The following SH2D3C variants were observed in gnomAD, a reference collection of about 807,000 sequenced individuals.
SH2D3C encodes SH2 domain-containing protein 3C.
SH2D3C carries 25 observed loss-of-function variants against 75.2 expected under a neutral mutation model. The ratio of observed to expected loss-of-function variants is 0.33; its 90% CI spans 0.24 to 0.46. The LOEUF (loss-of-function observed/expected upper bound fraction) is 0.46, where lower values mean the gene tolerates loss of function less well. SH2D3C is among the 20% of genes least tolerant of loss of function. The probability of loss-of-function intolerance (pLI) is 1.00; values close to 1 mark genes in which losing one functional copy is unlikely to be tolerated. For synonymous variants in SH2D3C, 450 were observed against 473.7 expected (o/e 0.95, Z 0.65); for missense variants, 933 against 1,165.3 (o/e 0.80, Z 2.90).
chr9:127,761,865 C>T (rs1389560460), intron 2 of SH2D3C, among the ~76,000 whole-genome samples: 2 of 152,190 alleles, frequency 1.3e-5, no homozygotes, highest in Admixed American at 6.5e-5. Context: ...GCCTGCATTT[C>T]GTATCTGTAA....
At chr9:127,767,475 T>A (rs765126649) in intron 2 of SH2D3C, 61 of 203,294 alleles carry the variant, frequency 3.0e-4, no homozygotes, top group Non-Finnish European at 2.3e-4. Flanking sequence ...CCCCAGACAT[T>A]GGGAGCCACT....
chr9:127,763,198 G>C (rs77344909), intron 2 of SH2D3C, among the ~76,000 whole-genome samples: 4 of 152,192 alleles, frequency 2.6e-5, no homozygotes, highest in Admixed American at 6.5e-5. Context: ...CCTCTTCGGA[G>C]AAGCCTTCCC....
chr9:127,745,534 GCT>G (rs2131743957), intron 6 of SH2D3C, among the ~76,000 whole-genome samples: 1 of 145,636 alleles, frequency 6.9e-6, no homozygotes, highest in South Asian at 2.2e-4. Flanking sequence ...TGCCATCTAG[GCT>G]CACTGCAACC....
At position 127,751,319 on chromosome 9, in the gene SH2D3C, G is replaced by A; in HGVS notation, c.556-19C>T. The A allele has an allele frequency of 6.2e-7, 1 of 1,612,394 alleles. No homozygotes were observed. Among genetic ancestry groups the A allele is most frequent in the Non-Finnish European group, 8.5e-7 (1 of 1,179,004 alleles). On this transcript the variant is annotated intron_variant, in intron 3 of 11. Coordinates refer to ENST00000314830, the MANE Select transcript of SH2D3C (RefSeq NM_170600.3). This position sits in a 1 kb window ranked among gnomAD's most constrained non-coding sequence, Gnocchi z 4.1. The stretch of plus-strand genomic sequence containing the variant: ...TGGAGAACTGGGTAGAAAACAGCAA[G>A]AGTTGGCATCCAACTTAAAGTCTCC...
intron 2 of SH2D3C, among the ~76,000 whole-genome samples, chr9:127,764,747 G>A (rs952554634): frequency 2.0e-5 from 3 of 152,046 alleles, no homozygotes; most frequent in African/African-American, 4.8e-5. Flanking sequence ...TCGCTCCATC[G>A]CCCAGGCTGG....
intron 3 of SH2D3C, among the ~76,000 whole-genome samples, chr9:127,756,126 C>G (rs1465204405): frequency 6.6e-6 from 1 of 152,092 alleles, no homozygotes; most frequent in Non-Finnish European, 1.5e-5. Context: ...ATGGTGAAAC[C>G]CTGTCTCTAC....
chr9:127,740,451 G>A (rs1420278435), intron 9 of SH2D3C, 82 bp from the exon 10 acceptor site: 24 of 894,592 alleles, frequency 2.7e-5, no homozygotes, highest in Non-Finnish European at 4.0e-5. Flanking sequence ...TGGACACCCA[G>A]ATGTGGGATC....
Position 127,742,912 on chromosome 9 carries a change from C to A in SH2D3C, c.1853G>T (p.Arg618Leu), listed in dbSNP as rs1215863553. ...TKEMQTLMGV[R>L]WGMELLTLPH... ...GAGGGTGAGCAGTTCCATGCCCCAGCGGACTCCCATTAGGGTCTGCATCTC... is the reference window on the plus strand; with the variant it reads ...GAGGGTGAGCAGTTCCATGCCCCAGAGGACTCCCATTAGGGTCTGCATCTC... Residue 618 changes from arginine to leucine, a missense_variant, in exon 8 of 12, where the codon CGC becomes CTC. Physicochemically the swap from Arg to Leu is moderately radical, Grantham distance 102. Coordinates refer to ENST00000314830, the MANE Select transcript of SH2D3C (RefSeq NM_170600.3). The A allele has an allele frequency of 6.2e-7, 1 of 1,613,950 alleles. No homozygotes were observed. The highest frequency in any genetic ancestry group is 2.2e-5 in the East Asian group (1 of 44,870).
At position 127,778,584 on chromosome 9, in the gene SH2D3C, C is replaced by A; in HGVS notation, c.37+7G>T. 1.2e-6 allele frequency: 2 copies of A among 1,611,330 alleles called. No individual in the cohort carries two copies. The highest frequency in any genetic ancestry group is 1.7e-6 in the Non-Finnish European group (2 of 1,177,440). On this transcript the variant is annotated splice_region_variant and intron_variant, in intron 1 of 11. Transcript: ENST00000314830. Reference sequence around the variant, plus strand: ...GGAGGACAGTGCAGACGGCACCCCACACTCACTGAACTTTTTGCTGGTCTT... The same window carrying A: ...GGAGGACAGTGCAGACGGCACCCCAAACTCACTGAACTTTTTGCTGGTCTT...
intron 2 of SH2D3C, among the ~76,000 whole-genome samples, chr9:127,768,686 C>T (rs1166175482): frequency 1.3e-5 from 2 of 152,200 alleles, no homozygotes; most frequent in African/African-American, 2.4e-5. Flanking sequence ...CAATGGCTCC[C>T]GTTTTGCTCA....
intron 9 of SH2D3C, among the ~76,000 whole-genome samples, chr9:127,740,901 T>G (rs1386418574): frequency 6.6e-6 from 1 of 152,166 alleles, no homozygotes; most frequent in Non-Finnish European, 1.5e-5. Flanking sequence ...CAAGATGATC[T>G]CAATCTCCTG....
intron 1 of SH2D3C, among the ~76,000 whole-genome samples, chr9:127,777,307 G>A (rs117584855): frequency 5.7e-4 from 87 of 152,162 alleles, no homozygotes; most frequent in Non-Finnish European, 1.1e-3. Flanking sequence ...GCCCCTCACC[G>A]TGGAGCCTGA....
chr9:127,757,891 C>T (rs1323470650), intron 3 of SH2D3C, among the ~76,000 whole-genome samples: 2 of 151,984 alleles, frequency 1.3e-5, no homozygotes, highest in African/African-American at 2.4e-5. Flanking sequence ...GAACTCCTGA[C>T]CTCAAGTAAT....
rs1014334745 is a variant in SH2D3C at position 127,754,047 on chromosome 9, T to G, written c.556-2747A>C. On this transcript the variant is annotated intron_variant, in intron 3 of 11. Coordinates refer to ENST00000314830, the MANE Select transcript of SH2D3C (RefSeq NM_170600.3). This position sits in a 1 kb window ranked among gnomAD's most constrained non-coding sequence, Gnocchi z 4.4. ...CTTGGTCCTCCCACACACCTGAGGG[T>G]GAGGAATCCTAGGGTCCCTGTGCCT... Among the ~76,000 whole-genome samples the G allele has an allele frequency of 1.3e-5, 2 of 152,016 alleles. No homozygotes were observed. Among genetic ancestry groups the G allele is most frequent in the Non-Finnish European group, 2.9e-5 (2 of 67,924 alleles).
chr9:127,742,017 G>C (rs1844874035), intron 8 of SH2D3C, 58 bp from the exon 9 acceptor site: 6 of 1,496,786 alleles, frequency 4.0e-6, no homozygotes, highest in Non-Finnish European at 5.4e-6. Flanking sequence ...AGGGGTGCGG[G>C]CCTGGGGCGC....
intron 2 of SH2D3C, chr9:127,771,425 A>T: frequency 1.6e-6 from 2 of 1,260,932 alleles, no homozygotes; most frequent in East Asian, 3.1e-5. Flanking sequence ...GCAGGGAAGG[A>T]CGCTCTCCGC....
At chr9:127,764,129 C>T (rs1299317404) in intron 2 of SH2D3C, among the ~76,000 whole-genome samples, 1 of 152,234 alleles carries the variant, frequency 6.6e-6, no homozygotes, top group Non-Finnish European at 1.5e-5. Context: ...CCCTCGGGCT[C>T]TGGGACAGGG....
At chr9:127,759,893 G>T (rs1032871389) in intron 3 of SH2D3C, among the ~76,000 whole-genome samples, 8 of 151,500 alleles carry the variant, frequency 5.3e-5, no homozygotes, top group Non-Finnish European at 1.2e-4. Flanking sequence ...TGAGGCAGGA[G>T]AATGGTGTGA....
At position 127,774,897 on chromosome 9, in the gene SH2D3C, C is replaced by G. The variant is rs1445960042; in HGVS notation, c.38-430G>C. The stretch of plus-strand genomic sequence containing the variant: ...CTGAGGTCAGGAGTTCGAGACCAGC[C>G]TGGACAACATGATGAAACCCCTTCT... On this transcript the variant is annotated intron_variant, in intron 1 of 11. Transcript: ENST00000314830. This position sits in a 1 kb window ranked among gnomAD's most constrained non-coding sequence, Gnocchi z 4.3. Among the ~76,000 whole-genome samples, 3 of 152,084 alleles carry G rather than the reference C, an allele frequency of 2.0e-5. No individual in the cohort carries two copies. Among genetic ancestry groups the G allele is most frequent in the Non-Finnish European group, 4.4e-5 (3 of 68,014 alleles).
Sources: gnomAD v4.1 joint callset for allele counts (sites outside exome capture counted in the v4.1 genomes callset) on GRCh38, gnomAD v4.1.1 for gene constraint, Gnocchi (gnomAD v3.1) non-coding constraint, MANE v1.5 for transcripts, NCBI Gene and HGNC (gene_info 2026-07-23, HGNC 2026-07-21) for gene names.